Variants in GALNT13 observed in about 807,000 individuals in gnomAD.
GALNT13 encodes UDP-GalNAc:polypeptide N-acetylgalactosaminyltransferase 13.
In GALNT13, 28 loss-of-function variants were observed where a neutral mutation model predicts 64.2. The observed-to-expected ratio is 0.44, with a 90% CI of 0.32 to 0.60. The LOEUF (loss-of-function observed/expected upper bound fraction) is 0.60. Among genes scored for constraint, GALNT13 ranks in the 20% least tolerant of loss-of-function variants. GALNT13 has a pLI of 0.05. For missense variants in GALNT13, 577 were observed against 669.8 expected (o/e 0.86, Z 1.53); for synonymous variants, 214 against 224.6 (o/e 0.95, Z 0.42).
chr2:153,829,730 T>C, the GALNT13 span, among the ~76,000 whole-genome samples: 1 of 152,204 alleles, frequency 6.6e-6, no homozygotes, highest in Non-Finnish European at 1.5e-5. Flanking sequence ...AACTTACAAA[T>C]GGCATTTAAC....
the GALNT13 span, among the ~76,000 whole-genome samples, chr2:153,801,665 A>C: frequency 2.6e-5 from 4 of 152,194 alleles, no homozygotes; most frequent in South Asian, 8.3e-4. Context: ...AAAAGTTTCA[A>C]ATATTGTGAG....
chr2:153,412,420 A>T, the GALNT13 span, among the ~76,000 whole-genome samples: 16 of 152,324 alleles, frequency 1.1e-4, 1 homozygote, highest in Middle Eastern at 3.4e-3. Flanking sequence ...TTGTGGCATC[A>T]TAAGTGAGAA....
the GALNT13 span, among the ~76,000 whole-genome samples, chr2:153,866,278 A>T: frequency 7.4e-6 from 1 of 134,792 alleles, no homozygotes; most frequent in Non-Finnish European, 1.6e-5. Flanking sequence ...AACCTGCACA[A>T]TGTGCACATG....
At chr2:154,357,376 G>T (rs1559110690) in intron 9 of GALNT13, among the ~76,000 whole-genome samples, 1 of 151,942 alleles carries the variant, frequency 6.6e-6, no homozygotes, top group Non-Finnish European at 1.5e-5. Context: ...CATGTGAGTT[G>T]TCTTCTCTTT....
chr2:153,630,312 G>A, the GALNT13 span, among the ~76,000 whole-genome samples: 2,682 of 151,986 alleles, frequency 0.018, 82 homozygotes, highest in African/African-American at 0.062. Flanking sequence ...GGAATACTAT[G>A]CAGCCATAAA....
chr2:154,341,827 T>C (rs1427470892), intron 9 of GALNT13, among the ~76,000 whole-genome samples: 2 of 152,132 alleles, frequency 1.3e-5, no homozygotes, highest in Non-Finnish European at 2.9e-5. Flanking sequence ...GAGCAGTTGG[T>C]CTTATTGTGA....
chr2:154,344,500 A>G (rs138526672), intron 9 of GALNT13, among the ~76,000 whole-genome samples: 118 of 152,190 alleles, frequency 7.8e-4, no homozygotes, highest in African/African-American at 2.6e-3. Context: ...ATGGATTTAC[A>G]TCTAAATCCA....
intron 9 of GALNT13, among the ~76,000 whole-genome samples, chr2:154,365,212 A>C (rs1697301960): frequency 6.6e-6 from 1 of 152,080 alleles, no homozygotes; most frequent in South Asian, 2.1e-4. Flanking sequence ...CACCTTTACC[A>C]AGTGTGTTAC....
At chr2:154,421,635 A>G (rs917960243) in intron 11 of GALNT13, among the ~76,000 whole-genome samples, 8 of 152,094 alleles carry the variant, frequency 5.3e-5, no homozygotes, top group African/African-American at 1.9e-4. Context: ...ATTAAAAGCT[A>G]TCTTTATATT....
chr2:154,010,098 T>C (rs932445748), intron 3 of GALNT13, among the ~76,000 whole-genome samples: 3 of 152,176 alleles, frequency 2.0e-5, no homozygotes, highest in Admixed American at 2.0e-4. Flanking sequence ...TGAAATCATA[T>C]AGTTGTGAAG....
At chr2:154,243,631 T>G (rs1689617474) in intron 6 of GALNT13, among the ~76,000 whole-genome samples, 1 of 152,246 alleles carries the variant, frequency 6.6e-6, no homozygotes, top group Non-Finnish European at 1.5e-5. Flanking sequence ...TTCCTTCTGT[T>G]GTTGATGAAG....
chr2:153,709,200 T>C, the GALNT13 span, among the ~76,000 whole-genome samples: 3 of 151,904 alleles, frequency 2.0e-5, no homozygotes, highest in African/African-American at 4.8e-5. Flanking sequence ...AATTTACAAA[T>C]TGGGAGAAAA....
chr2:153,533,247 T>G, the GALNT13 span, among the ~76,000 whole-genome samples: 2 of 152,254 alleles, frequency 1.3e-5, no homozygotes, highest in Non-Finnish European at 2.9e-5. Context: ...TTATTTATTC[T>G]GCTTGGGGTT....
chr2:154,084,479 G>T (rs969245055), intron 3 of GALNT13, among the ~76,000 whole-genome samples: 1 of 151,822 alleles, frequency 6.6e-6, no homozygotes, highest in Non-Finnish European at 1.5e-5. Context: ...TTGATTTTAA[G>T]TAGAGTATAA....
the GALNT13 span, among the ~76,000 whole-genome samples, chr2:153,696,120 C>A: frequency 6.6e-6 from 1 of 152,052 alleles, no homozygotes; most frequent in Admixed American, 6.5e-5. Context: ...AGTCCGAGTC[C>A]CAAAACTTCA....
At chr2:153,143,710 A>G in the GALNT13 span, among the ~76,000 whole-genome samples, 1 of 152,064 alleles carries the variant, frequency 6.6e-6, no homozygotes, top group Admixed American at 6.6e-5. Context: ...AGTCTCTTGC[A>G]CAACTTAGAA....
intron 9 of GALNT13, among the ~76,000 whole-genome samples, chr2:154,356,153 T>C (rs1343146842): frequency 6.6e-6 from 1 of 152,018 alleles, no homozygotes; most frequent in Non-Finnish European, 1.5e-5. Context: ...TGCTTTGTTT[T>C]TTGACAAAGT....
chr2:153,401,195 T>C, the GALNT13 span, among the ~76,000 whole-genome samples: 411 of 152,286 alleles, frequency 2.7e-3, 2 homozygotes, highest in African/African-American at 9.1e-3. Flanking sequence ...CCAGTAGTCA[T>C]TCAGGAGCAG....
chr2:153,237,943 CCCA>C, the GALNT13 span, among the ~76,000 whole-genome samples: 1 of 152,036 alleles, frequency 6.6e-6, no homozygotes, highest in African/African-American at 2.4e-5. Flanking sequence ...AATTTACATG[CCCA>C]CCACCAGTGT....
Sources: gnomAD v4.1 joint callset for allele counts (sites outside exome capture counted in the v4.1 genomes callset) on GRCh38, gnomAD v4.1.1 for gene constraint, MANE v1.5 for transcripts, NCBI Gene and HGNC (gene_info 2026-07-23, HGNC 2026-07-21) for gene names.